DHX40: variants seen among roughly 807,000 people sequenced by gnomAD.
DHX40 encodes DEAH-box helicase 40, also known as probable ATP-dependent RNA helicase DHX40.
In DHX40, 28 loss-of-function variants were observed where a neutral mutation model predicts 89.6. The ratio of observed to expected loss-of-function variants is 0.31; its 90% CI spans 0.23 to 0.43. DHX40 has a LOEUF of 0.43. Among genes scored for constraint, DHX40 ranks in the 20% least tolerant of loss-of-function variants. DHX40 has a pLI of 1.00. For synonymous variants in DHX40, 226 were observed against 283.6 expected (o/e 0.80, Z 2.04); for missense variants, 457 against 844.0 (o/e 0.54, Z 5.68).
At chr17:59,600,921 T>A (rs1056407001) in intron 14 of DHX40, among the ~76,000 whole-genome samples, 5 of 149,556 alleles carry the variant, frequency 3.3e-5, no homozygotes, top group African/African-American at 1.0e-4. Context: ...ACATTTACAA[T>A]GTTGTGCAGC....
rs1452856629 is a variant in DHX40 at position 59,577,252 on chromosome 17, T to C, written c.974-14T>C. 1.9e-6 allele frequency: 3 copies of C among 1,602,310 alleles called. No homozygotes were observed. In the Admixed American group the frequency reaches 5.0e-5, roughly 27 times the overall value. The stretch of plus-strand genomic sequence containing the variant: ...ATGTTGTAAATTGGTATTTTCTTTT[T>C]ATATATACTTCAGATCAACAGAGGA... On this transcript the variant is annotated splice_polypyrimidine_tract_variant and intron_variant, in intron 7 of 17. Coordinates refer to ENST00000251241, the MANE Select transcript of DHX40 (RefSeq NM_024612.5).
At chr17:59,602,698 TG>T (rs1459721429) in intron 15 of DHX40, 82 bp downstream of exon 15, 1 of 1,176,866 alleles carries the variant, frequency 8.5e-7, no homozygotes, top group East Asian at 2.5e-5. Flanking sequence ...TATTAAACAT[TG>T]AAGATTTGAT....
Position 59,607,197 on chromosome 17 carries a change from A to G in DHX40, c.*25A>G. ...AGGTGGTGAACCCTCCAATTCAGGA[A>G]GTGGGAAAAGGAGCCAGGAAATGTG... On this transcript the variant is annotated 3_prime_UTR_variant, in exon 18 of 18. Coordinates refer to ENST00000251241, the MANE Select transcript of DHX40 (RefSeq NM_024612.5). 1.2e-6 allele frequency: 2 copies of G among 1,614,116 alleles called. No individual in the cohort carries two copies. Among genetic ancestry groups the G allele is most frequent in the East Asian group, 4.5e-5 (2 of 44,900 alleles).
At chr17:59,602,021 G>A (rs964736115) in intron 14 of DHX40, among the ~76,000 whole-genome samples, 1 of 152,144 alleles carries the variant, frequency 6.6e-6, no homozygotes, top group East Asian at 1.9e-4. Flanking sequence ...CTTTTCTTGG[G>A]CTGGTAGTTT....
chr17:59,566,167 C>A (rs894006875), intron 1 of DHX40, among the ~76,000 whole-genome samples: 2 of 152,168 alleles, frequency 1.3e-5, no homozygotes, highest in Non-Finnish European at 2.9e-5. Context: ...TCCATGGTTA[C>A]CCACCACTTG....
chr17:59,586,607 A>G (rs1193096320), intron 11 of DHX40, among the ~76,000 whole-genome samples: 7 of 151,824 alleles, frequency 4.6e-5, no homozygotes, highest in Non-Finnish European at 2.9e-5. Context: ...CAGAGCTTGC[A>G]GTGAGCCAAG....
At chr17:59,579,065 A>G (rs946673595) in intron 8 of DHX40, among the ~76,000 whole-genome samples, 24 of 129,902 alleles carry the variant, frequency 1.8e-4, no homozygotes, top group East Asian at 1.4e-3. Context: ...ATGCAAAGCA[A>G]TTTGTTCATC....
rs547349051 is a variant in DHX40, at chr17:59,599,998, A to T, written c.1806+515A>T. Among the ~76,000 whole-genome samples, 25 of 151,794 alleles carry T rather than the reference A, an allele frequency of 1.6e-4. No homozygotes were observed. In the East Asian group the frequency reaches 4.7e-3, roughly 28 times the overall value. ...GTCACCACACCCGGCTAATTTTTGT[A>T]GTTTTAGTAGAGATGGGGTTTTGCC... On this transcript the variant is annotated intron_variant, in intron 14 of 17. Coordinates refer to ENST00000251241, the MANE Select transcript of DHX40 (RefSeq NM_024612.5).
At chr17:59,569,225 G>T (rs201676864) in intron 2 of DHX40, among the ~76,000 whole-genome samples, 2 of 152,096 alleles carry the variant, frequency 1.3e-5, no homozygotes, top group Admixed American at 1.3e-4. Flanking sequence ...TTACTCAGGC[G>T]GCTGAGGCAG....
At chr17:59,606,469 A>AGGCATG (rs1402098508) in intron 17 of DHX40, among the ~76,000 whole-genome samples, 4 of 152,210 alleles carry the variant, frequency 2.6e-5, no homozygotes, top group African/African-American at 9.6e-5. Context: ...TAGGGAGGCC[A>AGGCATG]GGCATGGTGG....
Position 59,607,049 on chromosome 17 carries a change from C to T in DHX40, c.2217C>T (p.Asp739=), listed in dbSNP as rs372012056. ...TGTTTTCAGATGGAATATCGAAAGA[C>T]GTCTTAAAGAAAATGCAAAGAAGAA... is the stretch of plus-strand genomic sequence containing the variant. ...VKQLKDGISK[D]VLKKMQRRND... is the part of the protein sequence containing the mutation. Residue 739 remains aspartate, a synonymous_variant, in exon 18 of 18, where the codon GAC becomes GAT. Transcript: ENST00000251241. 21 of 1,613,078 alleles carry T rather than the reference C, an allele frequency of 1.3e-5. No individual in the cohort carries two copies. The highest frequency in any genetic ancestry group is 9.4e-5 in the African/African-American group (7 of 74,782).
intron 1 of DHX40, 135 bp downstream of exon 1, chr17:59,565,918 C>A: frequency 1.4e-6 from 1 of 727,386 alleles, no homozygotes; most frequent in South Asian, 2.6e-5. Flanking sequence ...TTTCCAAGCC[C>A]GAGGCGAACT....
In DHX40 at chr17:59,595,198, C is replaced by T. The variant is rs561588047; in HGVS notation, c.1583-3539C>T. 5.3e-5 allele frequency among the ~76,000 whole-genome samples: 8 copies of T among 152,044 alleles called. No homozygotes were observed. The East Asian group carries it at 7.8e-4, about 15-fold the overall frequency. The stretch of plus-strand genomic sequence containing the variant: ...TCCCAGGTTCAAGCAATTCTCCTGC[C>T]TCAGCCTCCCGAGTAGCTGAGATTA... On this transcript the variant is annotated intron_variant, in intron 12 of 17. Transcript: ENST00000251241.
intron 17 of DHX40, among the ~76,000 whole-genome samples, chr17:59,606,140 G>A (rs1044546451): frequency 1.3e-5 from 2 of 151,668 alleles, no homozygotes; most frequent in African/African-American, 2.4e-5. Flanking sequence ...TCTGCCTCCC[G>A]GTTCAAGCTA....
At chr17:59,572,904 C>G (rs2048831324) in intron 3 of DHX40, among the ~76,000 whole-genome samples, 1 of 152,106 alleles carries the variant, frequency 6.6e-6, no homozygotes. Context: ...TTGCTTTGTC[C>G]AAGAATACCC....
At chr17:59,595,370 A>G (rs557085838) in intron 12 of DHX40, among the ~76,000 whole-genome samples, 12 of 152,350 alleles carry the variant, frequency 7.9e-5, no homozygotes, top group African/African-American at 2.9e-4. Context: ...GGCGTGAGCC[A>G]TGCACTCGGC....
At chr17:59,594,674 A>T (rs897867663) in intron 12 of DHX40, among the ~76,000 whole-genome samples, 1 of 151,708 alleles carries the variant, frequency 6.6e-6, no homozygotes, top group Non-Finnish European at 1.5e-5. Context: ...AACCCATTGG[A>T]ACAACTCTTC....
chr17:59,606,264 A>G (rs1214861105), intron 17 of DHX40, among the ~76,000 whole-genome samples: 2 of 152,008 alleles, frequency 1.3e-5, no homozygotes, highest in African/African-American at 4.8e-5. Context: ...CCTGGTTGGG[A>G]GGCATAAATA....
chr17:59,568,265 T>C (rs1005577687), intron 2 of DHX40, among the ~76,000 whole-genome samples: 1 of 152,136 alleles, frequency 6.6e-6, no homozygotes, highest in Non-Finnish European at 1.5e-5. Flanking sequence ...TTTGTTGTAA[T>C]TTTGTTTTTT....
Sources: gnomAD v4.1 joint callset for allele counts (sites outside exome capture counted in the v4.1 genomes callset) on GRCh38, gnomAD v4.1.1 for gene constraint, MANE v1.5 for transcripts, NCBI Gene and HGNC (gene_info 2026-07-23, HGNC 2026-07-21) for gene names.